AKNA: variants seen among roughly 807,000 people sequenced by gnomAD.
The protein encoded by AKNA is AT-hook transcription factor.
Under a neutral mutation model 138.8 loss-of-function variants are expected in AKNA, and 67 were observed. The ratio of observed to expected loss-of-function variants is 0.48; its 90% CI spans 0.40 to 0.59. AKNA has a LOEUF of 0.59. Ranked by LOEUF, AKNA falls within the 20% of genes least tolerant of loss-of-function variation. AKNA has a pLI of 0.00. For missense variants in AKNA, 1,813 were observed against 1,880.4 expected (o/e 0.96, Z 0.66); for synonymous variants, 737 against 754.4 (o/e 0.98, Z 0.38).
rs773540395 is a variant in AKNA at position 114,345,926 on chromosome 9, C to T, written c.3598G>A (p.Gly1200Arg). Residue 1200 changes from glycine (G) to arginine (R), a missense_variant, in exon 18 of 22, where the codon GGA becomes AGA. Coordinates refer to ENST00000374088, the MANE Select transcript of AKNA (RefSeq NM_001317950.2). The stretch of plus-strand genomic sequence containing the variant: ...CCAGCACTGCCCACCCCTCTCTTTC[C>T]ATCCCGAGCTGCCTGTGGACTGTCC... ...TKDSPQAARD[G>R]KRGVGSAGWP... is the part of the protein sequence containing the mutation. 3 of 1,614,036 alleles carry T rather than the reference C, an allele frequency of 1.9e-6. No homozygotes were observed. In the South Asian group the frequency reaches 3.3e-5, roughly 18 times the overall value.
At chr9:114,353,397 G>A (rs994358302) in intron 14 of AKNA, among the ~76,000 whole-genome samples, 2 of 152,036 alleles carry the variant, frequency 1.3e-5, no homozygotes, top group African/African-American at 2.4e-5. Flanking sequence ...CTGAGTAGCT[G>A]GGATTTTAGG....
chr9:114,395,119 G>A (rs577985588), upstream of AKNA, among the ~76,000 whole-genome samples: 1 of 152,278 alleles, frequency 6.6e-6, no homozygotes, highest in African/African-American at 2.4e-5. Context: ...AGGGAGGGAG[G>A]AGTGAGAATG....
At chr9:114,387,576 A>G (rs1407094895) in intron 1 of AKNA, among the ~76,000 whole-genome samples, 1 of 152,208 alleles carries the variant, frequency 6.6e-6, no homozygotes, top group Non-Finnish European at 1.5e-5. Context: ...GCAGACGACG[A>G]CACCCCAGGC....
chr9:114,364,521 T>C (rs373554312), intron 7 of AKNA, 39 bp downstream of exon 7: 3 of 1,606,612 alleles, frequency 1.9e-6, no homozygotes, highest in Non-Finnish European at 2.6e-6. Context: ...ACAGTGGTTG[T>C]CTGGCAGTTC....
intron 9 of AKNA, 70 bp downstream of exon 9, chr9:114,361,634 T>C (rs1588982637): frequency 2.5e-5 from 38 of 1,524,846 alleles, no homozygotes; most frequent in Non-Finnish European, 3.4e-5. Flanking sequence ...GTAATACGTA[T>C]TGAAGAAATG....
chr9:114,395,572 A>G (rs184266300), upstream of AKNA, among the ~76,000 whole-genome samples: 6 of 152,012 alleles, frequency 3.9e-5, no homozygotes, highest in East Asian at 1.2e-3. Context: ...GCCATCTCAT[A>G]AAGGGTTTCT....
Position 114,359,670 on chromosome 9 carries a change from C to G in AKNA, c.2416G>C (p.Gly806Arg). 1 of 1,613,726 alleles carries G rather than the reference C, an allele frequency of 6.2e-7. No homozygotes were observed. Among genetic ancestry groups the G allele is most frequent in the Non-Finnish European group, 8.5e-7 (1 of 1,179,784 alleles). ...LEVDGVAATP[G>R]KAEATRVLPR... ...AGGACCCTGGTGGCCTCTGCTTTCC[C>G]TGGAGTTGCAGCCACCCCATCAACT... Residue 806 changes from glycine to arginine, a missense_variant, in exon 11 of 22, where the codon GGG (glycine) becomes CGG (arginine). Physicochemically the swap from Gly to Arg is moderately radical, Grantham distance 125. Coordinates refer to ENST00000374088, the MANE Select transcript of AKNA (RefSeq NM_001317950.2).
chr9:114,349,078 A>C (rs1320003539), intron 15 of AKNA: 5 of 422,100 alleles, frequency 1.2e-5, no homozygotes, highest in Non-Finnish European at 2.4e-5. Context: ...TCTGAGGCAA[A>C]GCCACGAGGG....
At chr9:114,363,588 A>AT (rs796447552) in intron 7 of AKNA, among the ~76,000 whole-genome samples, 2 of 152,164 alleles carry the variant, frequency 1.3e-5, no homozygotes, top group African/African-American at 4.8e-5. Context: ...CTGCCATAAC[A>AT]TTTTTTTAGA....
chr9:114,384,359 T>C (rs1833891103), intron 1 of AKNA, among the ~76,000 whole-genome samples: 1 of 152,134 alleles, frequency 6.6e-6, no homozygotes, highest in Admixed American at 6.5e-5. Flanking sequence ...TCACTTGAGC[T>C]CAGGAGTTTG....
At chr9:114,380,477 A>G (rs1013135616) in intron 2 of AKNA, among the ~76,000 whole-genome samples, 2 of 152,168 alleles carry the variant, frequency 1.3e-5, no homozygotes, top group Admixed American at 1.3e-4. Context: ...TTACATTTGC[A>G]TATCTACACA....
chr9:114,388,488 G>A (rs1564103236), upstream of AKNA, among the ~76,000 whole-genome samples: 1 of 152,220 alleles, frequency 6.6e-6, no homozygotes, highest in African/African-American at 2.4e-5. Flanking sequence ...GGGAGACCGT[G>A]GTGATTCCTG....
chr9:114,346,777 T>C lies in AKNA; in HGVS notation c.3406A>G (p.Thr1136Ala). ...CTAGGCTCACCAGGCAATCTCTCTG[T>C]GGATTTACTAGCAAAAGGAAAGAGA... ...TWGSHYGSKS[T>A]ERLPGEPRGE... is the part of the protein sequence containing the mutation. Residue 1136 changes from threonine to alanine, a missense_variant, in exon 17 of 22, where the codon ACA (threonine) becomes GCA (alanine). Coordinates refer to ENST00000374088, the MANE Select transcript of AKNA (RefSeq NM_001317950.2). 1 of 1,611,678 alleles carries C rather than the reference T, an allele frequency of 6.2e-7. No individual in the cohort carries two copies. The highest frequency in any genetic ancestry group is 1.1e-5 in the South Asian group (1 of 90,612).
intron 13 of AKNA, 152 bp downstream of exon 13, chr9:114,356,711 C>A: frequency 2.8e-6 from 2 of 704,600 alleles, no homozygotes; most frequent in Middle Eastern, 4.2e-4. Flanking sequence ...CTGTCCATAA[C>A]ACAGGAACAA....
intron 15 of AKNA, chr9:114,348,784 C>T (rs1275199222): frequency 2.2e-6 from 1 of 448,102 alleles, no homozygotes; most frequent in African/African-American, 2.0e-5. Flanking sequence ...CACGGAGCAG[C>T]GTTAGAGCCA....
intron 7 of AKNA, among the ~76,000 whole-genome samples, chr9:114,364,348 CT>C (rs1479537527): frequency 6.6e-6 from 1 of 152,070 alleles, no homozygotes; most frequent in Non-Finnish European, 1.5e-5. Context: ...ACCACAGTCC[CT>C]GTACACAACC....
At position 114,343,799 on chromosome 9, in the gene AKNA, G is replaced by A. The variant is rs778455451; in HGVS notation, c.3666C>T (p.His1222=). The A allele has an allele frequency of 3.1e-6, 5 of 1,605,278 alleles. No individual in the cohort carries two copies. Among genetic ancestry groups the A allele is most frequent in the East Asian group, 2.2e-5 (1 of 44,588 alleles). The change falls in exon 19 of 22, where the codon CAC becomes CAT. Residue 1222 remains histidine, a synonymous_variant. Transcript: ENST00000374088. ...RVTFRGQYTG[H]EYHVLSPKAV... is the part of the protein sequence containing the mutation. Reference sequence around the variant, plus strand: ...CCTTAGGGGACAGAACATGGTATTCGTGGCCTGGGGAAAGAAACCAGAACT... The same window carrying A: ...CCTTAGGGGACAGAACATGGTATTCATGGCCTGGGGAAAGAAACCAGAACT...
At chr9:114,383,091 C>A (rs1361137804) in intron 1 of AKNA, 2 of 455,228 alleles carry the variant, frequency 4.4e-6, no homozygotes, top group Non-Finnish European at 8.8e-6. Flanking sequence ...AGTGGTTTCG[C>A]CGCCGATGGC....
chr9:114,389,379 C>T (rs1356294611), upstream of AKNA, among the ~76,000 whole-genome samples: 1 of 152,150 alleles, frequency 6.6e-6, no homozygotes, highest in African/African-American at 2.4e-5. Context: ...AAAAGCCCTC[C>T]AGGTAATTCT....
Sources: allele counts gnomAD v4.1 joint callset (sites outside exome capture counted in the v4.1 genomes callset), GRCh38; gene constraint gnomAD v4.1.1; transcripts MANE v1.5; gene names NCBI Gene and HGNC (gene_info 2026-07-23, HGNC 2026-07-21).